Variants in POF1B observed in about 807,000 individuals in gnomAD.
The protein encoded by POF1B is protein POF1B.
A neutral mutation model predicts 55.3 loss-of-function variants in POF1B; 53 were observed. The ratio of observed to expected loss-of-function variants is 0.96; its 90% CI spans 0.77 to 1.20. POF1B has a LOEUF of 1.20. POF1B is among the 50% of genes most tolerant of loss of function. The pLI, the probability that POF1B is intolerant of heterozygous loss-of-function variation, is 0.00. For synonymous variants in POF1B, 188 were observed against 148.3 expected, an observed-to-expected ratio of 1.27 and a Z score of -1.95; for missense variants, 478 against 420.5, an observed-to-expected ratio of 1.14 and a Z score of -1.20.
intron 15 of POF1B, among the ~76,000 whole-genome samples, chrX:85,297,348 G>A (rs192229068): frequency 8.9e-6 from 1 of 112,351 alleles, no homozygotes. Flanking sequence ...GAGCAGGCAT[G>A]TGCTCCTTTG....
intron 9 of POF1B, among the ~76,000 whole-genome samples, chrX:85,312,645 C>G (rs964225172): frequency 8.1e-5 from 9 of 111,173 alleles, no homozygotes; most frequent in African/African-American, 2.6e-4. Context: ...TTAGGATTGT[C>G]TTGGATATAT....
At chrX:85,332,056 G>T (rs1932988290) in intron 6 of POF1B, among the ~76,000 whole-genome samples, 1 of 111,540 alleles carries the variant, frequency 9.0e-6, no homozygotes, top group African/African-American at 3.2e-5. Flanking sequence ...TAATAGTGCT[G>T]CAATCAACAT....
intron 4 of POF1B, among the ~76,000 whole-genome samples, chrX:85,355,957 G>A (rs1421564358): frequency 9.0e-6 from 1 of 111,353 alleles, no homozygotes; most frequent in African/African-American, 3.3e-5. Context: ...TCCCATTACT[G>A]GGTATATACC....
intron 4 of POF1B, among the ~76,000 whole-genome samples, chrX:85,356,701 G>A (rs911228049): frequency 1.8e-5 from 2 of 111,421 alleles, no homozygotes; most frequent in African/African-American, 6.5e-5. Context: ...CAAATGAGCT[G>A]CTAGACAATT....
chrX:85,357,243 A>G (rs1382935285), intron 4 of POF1B, among the ~76,000 whole-genome samples: 2 of 110,648 alleles, frequency 1.8e-5, no homozygotes, highest in East Asian at 5.8e-4. Context: ...TCATTTCTCC[A>G]TCTGTATCTG....
chrX:85,280,966 C>A (rs1931883248), intron 16 of POF1B, among the ~76,000 whole-genome samples: 1 of 110,621 alleles, frequency 9.0e-6, no homozygotes, highest in African/African-American at 3.3e-5. Context: ...AGTTCTCTAA[C>A]CACTAGATGC....
At chrX:85,340,124 T>C (rs768895151) in intron 6 of POF1B, among the ~76,000 whole-genome samples, 1 of 111,038 alleles carries the variant, frequency 9.0e-6, no homozygotes, top group East Asian at 2.9e-4. Flanking sequence ...GAATTAGACA[T>C]TGAAGACTGG....
chrX:85,356,565 C>G (rs1209047017), intron 4 of POF1B, among the ~76,000 whole-genome samples: 1 of 110,298 alleles, frequency 9.1e-6, no homozygotes, highest in Non-Finnish European at 1.9e-5. Context: ...AAAAAAACCT[C>G]CAAATTTAGA....
rs145341644 is a variant in POF1B at position 85,361,153 on chromosome X, T to C, written c.358-1523A>G. 4.4e-3 allele frequency among the ~76,000 whole-genome samples: 497 copies of C among 112,026 alleles called. 1 individual carries two copies. The highest frequency in any genetic ancestry group is 0.016 in the African/African-American group (480 of 30,921). On this transcript the variant is annotated intron_variant, in intron 3 of 16. Coordinates refer to ENST00000262753, the MANE Select transcript of POF1B (RefSeq NM_024921.4). ...ACTTGTCAAATGTGTAGTTGACAAA[T>C]ATTTTATCCCATTCTATAGGTTTTC...
intron 7 of POF1B, among the ~76,000 whole-genome samples, chrX:85,326,031 G>A (rs1418005633): frequency 9.0e-6 from 1 of 111,217 alleles, no homozygotes; most frequent in Non-Finnish European, 1.9e-5. Context: ...GCCCCTGAAT[G>A]TTAGGAACTT....
At chrX:85,283,531 A>G (rs1266485107) in intron 15 of POF1B, among the ~76,000 whole-genome samples, 2 of 111,188 alleles carry the variant, frequency 1.8e-5, no homozygotes, top group African/African-American at 3.3e-5. Context: ...ACATAAAAGA[A>G]AACGGAAAAA....
intron 7 of POF1B, among the ~76,000 whole-genome samples, chrX:85,317,524 C>T (rs1380054753): frequency 9.1e-6 from 1 of 110,070 alleles, no homozygotes; most frequent in Non-Finnish European, 1.9e-5. Context: ...CTCTAATGTT[C>T]AGTGATGTTG....
intron 3 of POF1B, among the ~76,000 whole-genome samples, chrX:85,365,739 T>C (rs1300348961): frequency 1.8e-5 from 2 of 111,744 alleles, no homozygotes; most frequent in African/African-American, 6.5e-5. Context: ...ATTACAGCTC[T>C]ATGGCGATAT....
intron 7 of POF1B, among the ~76,000 whole-genome samples, chrX:85,320,691 C>G (rs6617044): frequency 0.064 from 7,120 of 110,514 alleles, 444 homozygotes; most frequent in East Asian, 0.33. Flanking sequence ...TGATAGACCG[C>G]TAGCAAGACT....
chrX:85,300,726 G>C (rs911147834), intron 15 of POF1B, among the ~76,000 whole-genome samples: 4 of 111,792 alleles, frequency 3.6e-5, no homozygotes, highest in Non-Finnish European at 3.8e-5. Flanking sequence ...GAAGCCAGAT[G>C]TTGCATTTAC....
chrX:85,282,105 A>G (rs1931911888), intron 16 of POF1B, 98 bp downstream of exon 16: 2 of 953,094 alleles, frequency 2.1e-6, no homozygotes, highest in Admixed American at 1.1e-4. Context: ...AAAGAAAAAA[A>G]TACTCAAAGT....
rs751755369 is a variant in POF1B, at chrX:85,285,414, A to G, written c.1650-3097T>C. Among the ~76,000 whole-genome samples, 15 of 111,127 alleles carry G rather than the reference A, an allele frequency of 1.3e-4. No homozygotes were observed. The East Asian group carries it at 3.7e-3, about 27-fold the overall frequency. On this transcript the variant is annotated intron_variant, in intron 15 of 16. Coordinates refer to ENST00000262753, the MANE Select transcript of POF1B (RefSeq NM_024921.4). ...TTGGAACCAACCCAAATGTCCATCA[A>G]TGATAGACTGGATTAAGAAAATGTG...
intron 15 of POF1B, among the ~76,000 whole-genome samples, chrX:85,286,290 A>G (rs767912903): frequency 1.8e-5 from 2 of 110,072 alleles, no homozygotes; most frequent in East Asian, 2.9e-4. Context: ...TGAACCCTAC[A>G]GCAAACAAAA....
intron 9 of POF1B, among the ~76,000 whole-genome samples, chrX:85,313,046 A>T (rs142338117): frequency 0.01 from 1,136 of 112,071 alleles, 11 homozygotes; most frequent in Admixed American, 0.036. Flanking sequence ...ACTTTGCTGA[A>T]GTTGCTTATC....
Sources: gnomAD v4.1 joint callset for allele counts (sites outside exome capture counted in the v4.1 genomes callset) on GRCh38, gnomAD v4.1.1 for gene constraint, MANE v1.5 for transcripts, NCBI Gene and HGNC (gene_info 2026-07-23, HGNC 2026-07-21) for gene names.